The following CNIH3 variants were observed in gnomAD, a reference collection of about 807,000 sequenced individuals.
CNIH3 encodes the protein cornichon family AMPA receptor auxiliary protein 3.
Under a neutral mutation model 24.1 loss-of-function variants are expected in CNIH3, and 14 were observed. The ratio of observed to expected loss-of-function variants is 0.58; its 90% confidence interval spans 0.38 to 0.91. CNIH3 has a LOEUF of 0.91. CNIH3 is among the 40% of genes least tolerant of loss of function. The pLI is 0.00. For synonymous variants in CNIH3, 68 were observed against 73.8 expected (o/e 0.92, Z 0.40); for missense variants, 178 against 196.8 (o/e 0.90, Z 0.57).
At chr1:224,434,722 A>G in exon 1 of CNIH3, 1 of 970,280 alleles carries the variant, frequency 1.0e-6, no homozygotes. Flanking sequence ...CAGCGGAGGC[A>G]GCTGCCGCCT....
chr1:224,723,849 T>G (rs1688874877), intron 3 of CNIH3, among the ~76,000 whole-genome samples: 1 of 152,164 alleles, frequency 6.6e-6, no homozygotes, highest in Non-Finnish European at 1.5e-5. Flanking sequence ...CAGCAAAGGG[T>G]TTTGAGTCAC....
chr1:224,515,188 T>C (rs10753474), upstream of CNIH3, among the ~76,000 whole-genome samples: 34,232 of 152,164 alleles, frequency 0.22, 4,175 homozygotes, highest in African/African-American at 0.32. Flanking sequence ...GTCTAGGCTA[T>C]TTACAGTGGC....
chr1:224,654,842 C>T (rs922034995), intron 1 of CNIH3, among the ~76,000 whole-genome samples: 2 of 152,176 alleles, frequency 1.3e-5, no homozygotes, highest in Non-Finnish European at 2.9e-5. Flanking sequence ...ATTCCAATCC[C>T]TATGGTGTAG....
chr1:224,675,876 G>T (rs544378376), intron 1 of CNIH3, among the ~76,000 whole-genome samples: 4 of 152,202 alleles, frequency 2.6e-5, no homozygotes, highest in Non-Finnish European at 4.4e-5. Context: ...GGAGTCATGG[G>T]AACACTCATG....
At chr1:224,689,829 G>T (rs1164874672) in intron 3 of CNIH3, among the ~76,000 whole-genome samples, 1 of 152,164 alleles carries the variant, frequency 6.6e-6, no homozygotes, top group African/African-American at 2.4e-5. Context: ...CAGGATTCTT[G>T]TGTTGACTTG....
At chr1:224,705,853 T>TC (rs1687766471) in intron 3 of CNIH3, among the ~76,000 whole-genome samples, 1 of 81,698 alleles carries the variant, frequency 1.2e-5, no homozygotes, top group Admixed American at 1.3e-4. Context: ...TTCTTTTCTT[T>TC]TTTTTCTTTT....
chr1:224,627,117 G>T (rs1355094611), intron 1 of CNIH3, among the ~76,000 whole-genome samples: 1 of 152,296 alleles, frequency 6.6e-6, no homozygotes, highest in East Asian at 1.9e-4. Context: ...GTGGACACGT[G>T]TTGAGCGCAT....
chr1:224,474,704 G>A (rs1364421707), intron 1 of CNIH3, among the ~76,000 whole-genome samples: 1 of 151,918 alleles, frequency 6.6e-6, no homozygotes, highest in Non-Finnish European at 1.5e-5. Flanking sequence ...CCTTTATCCA[G>A]ACTAAGAAAA....
chr1:224,689,633 G>A (rs1218065138), intron 3 of CNIH3, among the ~76,000 whole-genome samples: 1 of 152,152 alleles, frequency 6.6e-6, no homozygotes, highest in Non-Finnish European at 1.5e-5. Context: ...TCTGGGAACT[G>A]CACCTTCCAA....
chr1:224,497,761 G>C (rs1677495155), intron 1 of CNIH3, among the ~76,000 whole-genome samples: 1 of 152,192 alleles, frequency 6.6e-6, no homozygotes, highest in Non-Finnish European at 1.5e-5. Context: ...TGGCTGTATG[G>C]TGGTCAGATG....
At chr1:224,612,744 A>G (rs1450592423), upstream of CNIH3, among the ~76,000 whole-genome samples, 1 of 152,234 alleles carries the variant, frequency 6.6e-6, no homozygotes, top group Non-Finnish European at 1.5e-5. This position sits in a 1 kb window ranked among gnomAD's most constrained non-coding sequence, Gnocchi z 4.7. Context: ...GGCACAGTAA[A>G]AATCTACTAG....
intron 1 of CNIH3, among the ~76,000 whole-genome samples, chr1:224,485,186 T>G (rs1676979992): frequency 6.6e-6 from 1 of 152,206 alleles, no homozygotes; most frequent in South Asian, 2.1e-4. Context: ...ACTCTCTGCT[T>G]CTCCATATTG....
chr1:224,645,210 T>A (rs1472324868), intron 1 of CNIH3, among the ~76,000 whole-genome samples: 1 of 152,214 alleles, frequency 6.6e-6, no homozygotes, highest in Admixed American at 6.5e-5. Context: ...CAGTTCTCTC[T>A]CTCTCCTCCC....
chr1:224,487,739 C>A (rs1677082576), intron 1 of CNIH3, among the ~76,000 whole-genome samples: 1 of 152,152 alleles, frequency 6.6e-6, no homozygotes, highest in African/African-American at 2.4e-5. Context: ...GTAACTATGG[C>A]CTACTGATAT....
At chr1:224,513,660 T>C (rs1470211555), upstream of CNIH3, 2 of 152,280 alleles carry the variant, frequency 1.3e-5, no homozygotes, top group Non-Finnish European at 2.9e-5. Context: ...CCCCGGGTTC[T>C]GCTGTTGTCT....
intron 1 of CNIH3, among the ~76,000 whole-genome samples, chr1:224,464,228 T>G (rs1461327592): frequency 6.6e-6 from 1 of 152,198 alleles, no homozygotes; most frequent in African/African-American, 2.4e-5. Context: ...GGCCACAAAA[T>G]TTTTCTCCAG....
At position 224,684,766 on chromosome 1, in the gene CNIH3, C is replaced by T; in HGVS notation, c.151-30C>T. On this transcript the variant is annotated intron_variant, in intron 2 of 5. Transcript: ENST00000272133. This position sits in a 1 kb window ranked among gnomAD's most constrained non-coding sequence, Gnocchi z 4.2. ...ATTTTAGCAGAACCCCTAACCTCCC[C>T]TCTCATTTCTTTCTTGTGCATCCTG... The T allele has an allele frequency of 6.2e-7, 1 of 1,608,070 alleles. No individual in the cohort carries two copies. Among genetic ancestry groups the T allele is most frequent in the South Asian group, 1.1e-5 (1 of 90,974 alleles).
intron 1 of CNIH3, among the ~76,000 whole-genome samples, chr1:224,485,155 C>T (rs954359950): frequency 6.6e-6 from 1 of 152,202 alleles, no homozygotes; most frequent in Non-Finnish European, 1.5e-5. Context: ...ACCTGCCCTT[C>T]GTTCATAAAC....
At chr1:224,601,001 G>C (rs1277142561) in intron 3 of CNIH3, among the ~76,000 whole-genome samples, 1 of 152,206 alleles carries the variant, frequency 6.6e-6, no homozygotes, top group Non-Finnish European at 1.5e-5. Context: ...CCTCAGAAGA[G>C]ATAATTTGAC....
Sources: allele counts gnomAD v4.1 joint callset (sites outside exome capture counted in the v4.1 genomes callset), GRCh38; gene constraint gnomAD v4.1.1; non-coding constraint Gnocchi (gnomAD v3.1); transcripts MANE v1.5; gene names NCBI Gene and HGNC (gene_info 2026-07-23, HGNC 2026-07-21).